Variants in BCKDHA observed in about 807,000 individuals in gnomAD.
The protein encoded by BCKDHA is branched chain keto acid dehydrogenase E1 subunit alpha.
A neutral mutation model predicts 52.2 loss-of-function variants in BCKDHA; 43 were observed. That is an observed-to-expected ratio of 0.82 (90% CI 0.64 to 1.06). The LOEUF (loss-of-function observed/expected upper bound fraction) is 1.06. BCKDHA is among the 50% of genes least tolerant of loss of function. The pLI, the probability that BCKDHA is intolerant of heterozygous loss-of-function variation, is 0.00. For synonymous variants in BCKDHA, 234 were observed against 247.9 expected (o/e 0.94, Z 0.53); for missense variants, 527 against 621.3 (o/e 0.85, Z 1.61).
At chr19:41,416,685 T>C (rs12982607) in intron 4 of BCKDHA, among the ~76,000 whole-genome samples, 99,713 of 151,964 alleles carry the variant, frequency 0.66, 33,763 homozygotes, top group African/African-American at 0.82. Flanking sequence ...TTCGGGAGGC[T>C]GAGGCGGGAG....
Position 41,424,587 on chromosome 19 carries a change from A to G in BCKDHA, c.1317A>G (p.Pro439=), listed in dbSNP as rs749795206. 3.7e-6 allele frequency: 6 copies of G among 1,609,476 alleles called. No individual in the cohort carries two copies. Among genetic ancestry groups the G allele is most frequent in the South Asian group, 1.1e-5 (1 of 90,786 alleles). Residue 439 remains proline, a synonymous_variant, in exon 9 of 9, where the codon CCA becomes CCG. Coordinates refer to ENST00000269980, the MANE Select transcript of BCKDHA (RefSeq NM_000709.4). ...RHLQTYGEHY[P]LDHFDK ...TGCAGACCTACGGGGAGCACTACCC[A>G]CTGGATCACTTCGATAAGTGAGACC...
chr19:41,404,465 A>G (rs1426337450), intron 1 of BCKDHA, among the ~76,000 whole-genome samples: 1 of 146,532 alleles, frequency 6.8e-6, no homozygotes, highest in Non-Finnish European at 1.5e-5. Context: ...AATTTTTTGT[A>G]TTTTTAGTAG....
chr19:41,424,685 G>A lies in BCKDHA; in HGVS notation c.*77G>A. 6.8e-7 allele frequency: 1 copy of A among 1,468,070 alleles called. No homozygotes were observed. The highest frequency in any genetic ancestry group is 9.2e-7 in the Non-Finnish European group (1 of 1,084,068). 90.9% of individuals were successfully genotyped at this position (1,468,070 alleles called of 1,614,324 possible). ...CACTCTAAGGGGAGCAGGGGGACCT[G>A]ACAGCACACCACTGTCTTCCCCAGT... On this transcript the variant is annotated 3_prime_UTR_variant, in exon 9 of 9. Coordinates refer to ENST00000269980, the MANE Select transcript of BCKDHA (RefSeq NM_000709.4).
intron 3 of BCKDHA, among the ~76,000 whole-genome samples, chr19:41,412,357 A>G (rs1016113791): frequency 1.9e-4 from 19 of 99,448 alleles, no homozygotes; most frequent in Non-Finnish European, 2.7e-4. Flanking sequence ...CTCCCCTCTC[A>G]TTCCCTCTGT....
At chr19:41,413,905 A>T in intron 3 of BCKDHA, 144 bp from the exon 4 acceptor site, 1 of 735,542 alleles carries the variant, frequency 1.4e-6, no homozygotes, top group South Asian at 1.5e-5. Flanking sequence ...AAAGGCAGGA[A>T]CCCCAGCATG....
intron 1 of BCKDHA, among the ~76,000 whole-genome samples, chr19:41,403,885 A>G (rs1483194716): frequency 6.6e-6 from 1 of 152,144 alleles, no homozygotes; most frequent in Non-Finnish European, 1.5e-5. Flanking sequence ...CCTACCTCCT[A>G]TGTGGGTAAC....
At position 41,422,929 on chromosome 19, in the gene BCKDHA, C is replaced by A. The variant is rs1455120938; in HGVS notation, c.996-69C>A. ...TCCACTCCTCCTTCCCTAGTTCATCCCCCATCCTCCCTCCTGACCCCCACT... is the reference window on the plus strand; with the variant it reads ...TCCACTCCTCCTTCCCTAGTTCATCACCCATCCTCCCTCCTGACCCCCACT... On this transcript the variant is annotated intron_variant, in intron 7 of 8. Coordinates refer to ENST00000269980, the MANE Select transcript of BCKDHA (RefSeq NM_000709.4). 3.2e-6 allele frequency: 5 copies of A among 1,567,886 alleles called. No homozygotes were observed. The Admixed American group carries it at 5.6e-5, about 18-fold the overall frequency.
chr19:41,400,789 T>G (rs902916136), intron 1 of BCKDHA, among the ~76,000 whole-genome samples: 1 of 150,916 alleles, frequency 6.6e-6, no homozygotes, highest in Non-Finnish European at 1.5e-5. Context: ...GTGGGCGGGT[T>G]GCCTGAGGCC....
intron 1 of BCKDHA, among the ~76,000 whole-genome samples, chr19:41,398,927 A>C (rs1255905044): frequency 6.6e-6 from 1 of 152,192 alleles, no homozygotes; most frequent in Non-Finnish European, 1.5e-5. Context: ...AAAAATCAAT[A>C]TGTAAAATGC....
chr19:41,421,354 G>A (rs1456927952), intron 5 of BCKDHA, among the ~76,000 whole-genome samples: 1 of 152,160 alleles, frequency 6.6e-6, no homozygotes, highest in Non-Finnish European at 1.5e-5. Flanking sequence ...ATATGAGGGT[G>A]GGGGTCCTGT....
At chr19:41,402,632 A>T (rs1001468994) in intron 1 of BCKDHA, among the ~76,000 whole-genome samples, 2 of 151,960 alleles carry the variant, frequency 1.3e-5, no homozygotes, top group African/African-American at 4.8e-5. Flanking sequence ...TTAGTCCAGT[A>T]TTGGCTTATT....
At chr19:41,406,175 C>T (rs1237710850) in intron 1 of BCKDHA, among the ~76,000 whole-genome samples, 1 of 152,124 alleles carries the variant, frequency 6.6e-6, no homozygotes, top group African/African-American at 2.4e-5. Context: ...AGGGTACAGC[C>T]GAGACCCAGC....
At chr19:41,407,115 T>C (rs2039202114) in intron 1 of BCKDHA, among the ~76,000 whole-genome samples, 1 of 152,202 alleles carries the variant, frequency 6.6e-6, no homozygotes, top group Admixed American at 6.5e-5. Flanking sequence ...GTCACTTCCC[T>C]TTCTCCCACT....
Position 41,422,311 on chromosome 19 carries a change from G to A in BCKDHA, c.794G>A (p.Arg265Gln), listed in dbSNP as rs761996996. The change falls in exon 6 of 9, where the codon CGG becomes CAG. Residue 265 changes from arginine (R) to glutamine (Q), a missense_variant. Physicochemically the swap from Arg to Gln is conservative, Grantham distance 43. Transcript: ENST00000269980. Reference protein sequence around the residue: ...TLECPIIFFCRNNGYAISTPT... With the variant: ...TLECPIIFFCQNNGYAISTPT... ...GAGTGCCCCATCATCTTCTTCTGCCGGAACAATGGCTACGCCATCTCCACG... is the reference window on the plus strand; with the variant it reads ...GAGTGCCCCATCATCTTCTTCTGCCAGAACAATGGCTACGCCATCTCCACG... 9 of 1,614,170 alleles carry A rather than the reference G, an allele frequency of 5.6e-6. No individual in the cohort carries two copies. Among genetic ancestry groups the A allele is most frequent in the South Asian group, 1.1e-5 (1 of 91,082 alleles).
In BCKDHA at chr19:41,415,051, C is replaced by T. The variant is rs928830415; in HGVS notation, c.484+894C>T. Among the ~76,000 whole-genome samples the T allele has an allele frequency of 2.6e-5, 4 of 152,300 alleles. No individual in the cohort carries two copies. In the South Asian group the frequency reaches 6.2e-4, roughly 24 times the overall value. ...GGGGTTGGTGTCATGATCGGGGACT[C>T]GCCCTGGGACAGCCCTTCAGCAGGG... On this transcript the variant is annotated intron_variant, in intron 4 of 8. Transcript: ENST00000269980.
chr19:41,403,441 A>G (rs6508977), intron 1 of BCKDHA, among the ~76,000 whole-genome samples: 94,601 of 152,048 alleles, frequency 0.62, 29,878 homozygotes, highest in African/African-American at 0.7. Flanking sequence ...TTCAGTGAGC[A>G]CATAGGTGTA....
At chr19:41,416,004 C>T (rs771726062) in intron 4 of BCKDHA, among the ~76,000 whole-genome samples, 73 of 147,016 alleles carry the variant, frequency 5.0e-4, no homozygotes, top group Admixed American at 2.1e-3. Context: ...AGTACGGTGG[C>T]GCAGTCTTGG....
chr19:41,420,364 T>C (rs2039351190), intron 5 of BCKDHA, among the ~76,000 whole-genome samples: 1 of 151,982 alleles, frequency 6.6e-6, no homozygotes, highest in Admixed American at 6.6e-5. Flanking sequence ...TGTGTGTGTG[T>C]GAGAGACAGC....
At chr19:41,417,633 T>G (rs2039319568) in intron 4 of BCKDHA, among the ~76,000 whole-genome samples, 1 of 152,128 alleles carries the variant, frequency 6.6e-6, no homozygotes, top group African/African-American at 2.4e-5. Context: ...AACTAAAATA[T>G]CAACAAGTGG....
Sources: gnomAD v4.1 joint callset for allele counts (sites outside exome capture counted in the v4.1 genomes callset) on GRCh38, gnomAD v4.1.1 for gene constraint, MANE v1.5 for transcripts, NCBI Gene and HGNC (gene_info 2026-07-23, HGNC 2026-07-21) for gene names.